The following ADAMTS20 variants were observed in gnomAD, a reference collection of about 807,000 sequenced individuals.
The protein encoded by ADAMTS20 is A disintegrin and metalloproteinase with thrombospondin motifs 20.
In ADAMTS20, 225 loss-of-function variants were observed where a neutral mutation model predicts 260.1. That is an observed-to-expected ratio of 0.87 (90% CI 0.78 to 0.97). The LOEUF is 0.97. Among genes scored for constraint, ADAMTS20 ranks in the 50% least tolerant of loss-of-function variants. ADAMTS20 has a pLI of 0.00. For missense variants in ADAMTS20, 2,400 were observed against 2,337.7 expected (o/e 1.03, Z -0.55); for synonymous variants, 802 against 769.5 (o/e 1.04, Z -0.70).
At chr12:43,548,610 T>C (rs1239347184) in intron 2 of ADAMTS20, among the ~76,000 whole-genome samples, 1 of 152,146 alleles carries the variant, frequency 6.6e-6, no homozygotes, top group Non-Finnish European at 1.5e-5. Flanking sequence ...TAATCATAAA[T>C]AGGTAGCTAA....
At chr12:43,489,367 G>T (rs1409131036) in intron 7 of ADAMTS20, among the ~76,000 whole-genome samples, 2 of 148,560 alleles carry the variant, frequency 1.3e-5, no homozygotes, top group Non-Finnish European at 2.9e-5. Context: ...CAAAGGATTT[G>T]GTGTCAGGAA....
At chr12:43,475,474 G>A (rs926165659) in intron 7 of ADAMTS20, among the ~76,000 whole-genome samples, 1 of 146,592 alleles carries the variant, frequency 6.8e-6, no homozygotes, top group Admixed American at 6.9e-5. Flanking sequence ...TTTCTTCACA[G>A]AATTGGAAAA....
chr12:43,453,861 G>T (rs756357270), intron 12 of ADAMTS20, 46 bp downstream of exon 12: 1 of 1,550,244 alleles, frequency 6.5e-7, no homozygotes, highest in Non-Finnish European at 8.7e-7. Flanking sequence ...TTACTTTCTG[G>T]TGCCTTGAGA....
chr12:43,518,600 G>A (rs1296752423), intron 3 of ADAMTS20, among the ~76,000 whole-genome samples: 1 of 151,670 alleles, frequency 6.6e-6, no homozygotes, highest in Non-Finnish European at 1.5e-5. Flanking sequence ...AAAATCATTG[G>A]TATTCTGATT....
chr12:43,492,403 A>AAAAAGG, intron 6 of ADAMTS20, 102 bp downstream of exon 6: 1 of 1,396,008 alleles, frequency 7.2e-7, no homozygotes, highest in Non-Finnish European at 9.6e-7. Flanking sequence ...AAAGAAAAAG[A>AAAAAGG]AAAACAAAAA....
chr12:43,425,569 C>T lies in ADAMTS20; in HGVS notation c.4229G>A (p.Cys1410Tyr). 1 of 1,600,930 alleles carries T rather than the reference C, an allele frequency of 6.2e-7. No homozygotes were observed. The highest frequency in any genetic ancestry group is 8.5e-7 in the Non-Finnish European group (1 of 1,172,252). ...ATCAGCAGGGCAAGCATGCATATGACACTGTATTACGCTAGGTGGCTTGTT... is the reference window on the plus strand; with the variant it reads ...ATCAGCAGGGCAAGCATGCATATGATACTGTATTACGCTAGGTGGCTTGTT... ...IVNKPPSVIQ[C>Y]HMHACPADVS... Residue 1410 changes from cysteine (C) to tyrosine (Y), a missense_variant, in exon 28 of 39, where the codon TGT (cysteine) becomes TAT (tyrosine). Physicochemically the swap from Cys to Tyr is radical, Grantham distance 194. Coordinates refer to ENST00000389420, the MANE Select transcript of ADAMTS20 (RefSeq NM_025003.5).
Position 43,466,021 on chromosome 12 carries a change from GAA to G in ADAMTS20, c.1367+629_1367+630del, listed in dbSNP as rs1485205491. 7.9e-5 allele frequency among the ~76,000 whole-genome samples: 12 copies of G among 152,086 alleles called. No individual in the cohort carries two copies. In the East Asian group the frequency reaches 2.1e-3, roughly 27 times the overall value. ...GGAAGGAGCTCAGGCTTGCCTTTTG[GAA>G]AAGTTTCAGTGACTGAGAAAGAAAC... On this transcript the variant is annotated intron_variant, in intron 9 of 38. Transcript: ENST00000389420.
At chr12:43,440,138 A>AT in intron 16 of ADAMTS20, 69 bp from the exon 17 acceptor site, 1 of 1,024,266 alleles carries the variant, frequency 9.8e-7, no homozygotes, top group South Asian at 1.8e-5. Flanking sequence ...CACTTGTTTA[A>AT]CTTTTTTTTT....
At chr12:43,427,838 T>G (rs1231817197) in intron 26 of ADAMTS20, among the ~76,000 whole-genome samples, 2 of 152,172 alleles carry the variant, frequency 1.3e-5, no homozygotes, top group African/African-American at 4.8e-5. Flanking sequence ...ATTATGAATG[T>G]TATGTAAAAT....
chr12:43,443,808 G>T lies in ADAMTS20; in HGVS notation c.2273C>A (p.Pro758Gln), dbSNP rs780417106. Residue 758 changes from proline (P) to glutamine (Q), a missense_variant, in exon 16 of 39, where the codon CCA (proline) becomes CAA (glutamine). Physicochemically the swap from Pro to Gln is moderately conservative, Grantham distance 76. Coordinates refer to ENST00000389420, the MANE Select transcript of ADAMTS20 (RefSeq NM_025003.5). ...DIRQYSYSGQPDDSYLALSDA... is the reference protein window; with the variant it reads ...DIRQYSYSGQQDDSYLALSDA... ...ATGTTTACCAAGGTAACTGTCATCTGGTTGTCCAGAATAGCTGTACTGACG... is the reference window on the plus strand; with the variant it reads ...ATGTTTACCAAGGTAACTGTCATCTTGTTGTCCAGAATAGCTGTACTGACG... The T allele has an allele frequency of 3.7e-6, 6 of 1,612,062 alleles. No individual in the cohort carries two copies. Among genetic ancestry groups the T allele is most frequent in the Non-Finnish European group, 5.1e-6 (6 of 1,178,580 alleles).
chr12:43,480,091 C>T (rs1942418538), intron 7 of ADAMTS20, among the ~76,000 whole-genome samples: 1 of 152,030 alleles, frequency 6.6e-6, no homozygotes, highest in East Asian at 1.9e-4. Flanking sequence ...TTTAAGAAGA[C>T]ATAAATAAAA....
rs1943519957 is a variant in ADAMTS20, at chr12:43,551,700, C to T, written c.91+131G>A. 1.1e-6 allele frequency: 1 copy of T among 932,510 alleles called. No individual in the cohort carries two copies. Among genetic ancestry groups the T allele is most frequent in the Non-Finnish European group, 1.6e-6 (1 of 608,332 alleles). The allele number at this position is 932,510 out of a possible 1,614,324, so 57.8% of individuals were successfully genotyped here. A position where few individuals can be genotyped will look rare whatever the true frequency, so the allele number is the denominator to read the frequency against. ...TCGCGACCTCTCCGGCTGACTGGTCCGGGAGTCCCGGGAGCTCCAGCAGGG... is the reference window on the plus strand; with the variant it reads ...TCGCGACCTCTCCGGCTGACTGGTCTGGGAGTCCCGGGAGCTCCAGCAGGG... On this transcript the variant is annotated intron_variant, in intron 1 of 38. Transcript: ENST00000389420. This position sits in a 1 kb window ranked among gnomAD's most constrained non-coding sequence, Gnocchi z 4.6.
chr12:43,428,285 G>A lies in ADAMTS20; in HGVS notation c.3901C>T (p.Pro1301Ser), dbSNP rs779915911. Residue 1301 changes from proline to serine, a missense_variant, in exon 26 of 39, where the codon CCA becomes TCA. Physicochemically the swap from Pro to Ser is moderately conservative, Grantham distance 74. Coordinates refer to ENST00000389420, the MANE Select transcript of ADAMTS20 (RefSeq NM_025003.5). ...LEDNENQVVH[P>S]SVRGNQWRTG... ...CTCCACTGGTTTCCTCTGACTGATGGATGGACCACCTGATTTTCATTATCT... is the reference window on the plus strand; with the variant it reads ...CTCCACTGGTTTCCTCTGACTGATGAATGGACCACCTGATTTTCATTATCT... 1 of 1,613,940 alleles carries A rather than the reference G, an allele frequency of 6.2e-7. No individual in the cohort carries two copies. The highest frequency in any genetic ancestry group is 1.1e-5 in the South Asian group (1 of 91,086).
At position 43,369,435 on chromosome 12, in the gene ADAMTS20, T is replaced by C. The variant is rs577872464; in HGVS notation, c.5447-54A>G. 25 of 1,049,132 alleles carry C rather than the reference T, an allele frequency of 2.4e-5. No individual in the cohort carries two copies. The African/African-American group carries it at 3.9e-4, about 16-fold the overall frequency. 65.0% of individuals were successfully genotyped at this position (1,049,132 alleles called of 1,614,324 possible). On this transcript the variant is annotated intron_variant, in intron 36 of 38. Coordinates refer to ENST00000389420, the MANE Select transcript of ADAMTS20 (RefSeq NM_025003.5). ...CATGGAGACAATAATGCAATCGTTG[T>C]TGTCAAACACAGAGTTTTCTTATTA...
chr12:43,353,481 A>C (rs1215412918), downstream of ADAMTS20, among the ~76,000 whole-genome samples: 1 of 152,020 alleles, frequency 6.6e-6, no homozygotes, highest in Admixed American at 6.5e-5. Flanking sequence ...TGTTCTTATA[A>C]GTACAATCAA....
chr12:43,471,986 GA>G (rs1459476802), intron 7 of ADAMTS20, among the ~76,000 whole-genome samples: 1 of 151,852 alleles, frequency 6.6e-6, no homozygotes, highest in Non-Finnish European at 1.5e-5. Flanking sequence ...GCTGGATGGA[GA>G]ATGACTTTGA....
At chr12:43,539,861 T>C (rs954656416) in intron 2 of ADAMTS20, among the ~76,000 whole-genome samples, 5 of 151,282 alleles carry the variant, frequency 3.3e-5, no homozygotes, top group Non-Finnish European at 5.9e-5. Context: ...TCAAGCAAAA[T>C]TAAAAGTACT....
At position 43,425,622 on chromosome 12, in the gene ADAMTS20, T is replaced by C. The variant is rs760358983; in HGVS notation, c.4176A>G (p.Ile1392Met). 1 of 1,611,444 alleles carries C rather than the reference T, an allele frequency of 6.2e-7. No homozygotes were observed. Among genetic ancestry groups the C allele is most frequent in the South Asian group, 1.1e-5 (1 of 90,676 alleles). The change falls in exon 28 of 39, where the codon ATA (isoleucine) becomes ATG (methionine). Residue 1392 changes from isoleucine to methionine, a missense_variant. Transcript: ENST00000389420. ...CAATTTCACAGTTGTGATCTTCTAA[T>C]ATTTGGCCATTGGGAAATTGACATA... Reference protein sequence around the residue: ...LVICQFPNGQILEDHNCEIVN... With the variant: ...LVICQFPNGQMLEDHNCEIVN...
At chr12:43,419,647 AC>A (rs1287251887) in intron 28 of ADAMTS20, among the ~76,000 whole-genome samples, 2 of 152,134 alleles carry the variant, frequency 1.3e-5, no homozygotes, top group African/African-American at 4.8e-5. Flanking sequence ...ATAGAAAAAA[AC>A]ATGGCCTATA....
Sources: allele counts gnomAD v4.1 joint callset (sites outside exome capture counted in the v4.1 genomes callset), GRCh38; gene constraint gnomAD v4.1.1; non-coding constraint Gnocchi (gnomAD v3.1); transcripts MANE v1.5; gene names NCBI Gene and HGNC (gene_info 2026-07-23, HGNC 2026-07-21).